LARGE1: variants seen among roughly 807,000 people sequenced by gnomAD.
The protein encoded by LARGE1 is xylosyl- and glucuronyltransferase LARGE1.
Under a neutral mutation model 87.6 loss-of-function variants are expected in LARGE1, and 43 were observed. The observed-to-expected ratio is 0.49, with a 90% CI of 0.38 to 0.63. The LOEUF is 0.63. Ranked by LOEUF, LARGE1 falls within the 30% of genes least tolerant of loss-of-function variation. LARGE1 has a pLI of 0.00. For synonymous variants in LARGE1, 434 were observed against 394.6 expected, an observed-to-expected ratio of 1.10 and a Z score of -1.18; for missense variants, 802 against 1,000.2, an observed-to-expected ratio of 0.80 and a Z score of 2.67.
At chr22:33,387,529 G>C (rs1020138018) in intron 7 of LARGE1, among the ~76,000 whole-genome samples, 2 of 145,526 alleles carry the variant, frequency 1.4e-5, no homozygotes. Flanking sequence ...AAAAAATGGG[G>C]GGGGGGATGG....
At chr22:33,638,418 G>A (rs553091737) in intron 3 of LARGE1, among the ~76,000 whole-genome samples, 5 of 152,244 alleles carry the variant, frequency 3.3e-5, no homozygotes, top group Admixed American at 3.3e-4. Flanking sequence ...ACTGAGGAAC[G>A]ATTACCTCAT....
In LARGE1 at chr22:33,272,824, C is replaced by T. The variant is rs1928416054; in HGVS notation, c.*1603G>A. On this transcript the variant is annotated 3_prime_UTR_variant, in exon 15 of 15. Coordinates refer to ENST00000397394, the MANE Select transcript of LARGE1 (RefSeq NM_133642.5). ...GATTACCAGGATTTACCCTCCTAGC[C>T]CACATCTGGTAGAAGACAACATCTG... 6.6e-6 allele frequency: 1 copy of T among 152,134 alleles called. No individual in the cohort carries two copies. The highest frequency in any genetic ancestry group is 2.4e-5 in the African/African-American group (1 of 41,414). 9.4% of individuals were successfully genotyped at this position (152,134 alleles called of 1,614,324 possible).
the LARGE1 span, among the ~76,000 whole-genome samples, chr22:33,083,734 A>G: frequency 2.0e-5 from 3 of 152,220 alleles, no homozygotes; most frequent in Non-Finnish European, 4.4e-5. Context: ...ACCAGCTGCC[A>G]CACAATGTAA....
intron 1 of LARGE1, among the ~76,000 whole-genome samples, chr22:33,885,037 T>C (rs893898483): frequency 1.3e-5 from 2 of 152,234 alleles, no homozygotes; most frequent in Non-Finnish European, 2.9e-5. Flanking sequence ...AGGCAGTTTT[T>C]AAATGATAAC....
At chr22:33,475,099 A>G (rs765260043) in intron 6 of LARGE1, among the ~76,000 whole-genome samples, 3 of 152,056 alleles carry the variant, frequency 2.0e-5, no homozygotes, top group Non-Finnish European at 4.4e-5. Flanking sequence ...GGCATAGTCT[A>G]CTCACTGGAA....
intron 6 of LARGE1, among the ~76,000 whole-genome samples, chr22:33,477,347 G>A (rs1232371861): frequency 3.3e-5 from 5 of 152,154 alleles, no homozygotes; most frequent in African/African-American, 1.2e-4. Flanking sequence ...AGAACTCTTT[G>A]TTAAAAGTTT....
At chr22:33,126,019 A>AT in the LARGE1 span, among the ~76,000 whole-genome samples, 1 of 152,212 alleles carries the variant, frequency 6.6e-6, no homozygotes, top group Non-Finnish European at 1.5e-5. Context: ...AAGTGCTGGG[A>AT]TTACAGGCGT....
At position 33,816,733 on chromosome 22, in the gene LARGE1, C is replaced by CAGACAGATAGAT. The variant is rs763136582; in HGVS notation, c.-82-55176_-82-55175insATCTATCTGTCT. On this transcript the variant is annotated intron_variant, in intron 1 of 14. Transcript: ENST00000397394. ...ACAGACAGACAGACAGACAGACAGACAGATACAGAAAGACAGATACAGACA... is the reference window on the plus strand; with the variant it reads ...ACAGACAGACAGACAGACAGACAGACAGACAGATAGATAGATACAGAAAGACAGATACAGACA... Among the ~76,000 whole-genome samples, 7 of 150,128 alleles carry CAGACAGATAGAT rather than the reference C, an allele frequency of 4.7e-5. 1 individual carries two copies. In the South Asian group the frequency reaches 8.6e-4, roughly 18 times the overall value.
At chr22:33,720,853 T>C (rs1391816653) in intron 2 of LARGE1, among the ~76,000 whole-genome samples, 1 of 152,136 alleles carries the variant, frequency 6.6e-6, no homozygotes, top group East Asian at 1.9e-4. Flanking sequence ...AGATGATTCC[T>C]AAGAAAAGAT....
chr22:33,160,436 T>C (rs1159372852), downstream of LARGE1, among the ~76,000 whole-genome samples: 2 of 152,224 alleles, frequency 1.3e-5, no homozygotes, highest in Non-Finnish European at 2.9e-5. Flanking sequence ...CCAACCACTC[T>C]ACCTTGCTGG....
At position 33,360,812 on chromosome 22, in the gene LARGE1, A is replaced by T. The variant is rs570892244; in HGVS notation, c.1131+21107T>A. On this transcript the variant is annotated intron_variant, in intron 9 of 14. Transcript: ENST00000397394. The stretch of plus-strand genomic sequence containing the variant: ...CAGCCCACCGCCACTGGGCTGTACG[A>T]AGGCAGGTATCTTGTCCAGCCCACT... 1.3e-5 allele frequency among the ~76,000 whole-genome samples: 2 copies of T among 150,062 alleles called. 1 individual carries two copies. The highest frequency in any genetic ancestry group is 4.9e-5 in the African/African-American group (2 of 40,824).
chr22:33,381,907 T>A lies in LARGE1; in HGVS notation c.1131+12A>T, dbSNP rs377316838. 25 of 1,613,740 alleles carry A rather than the reference T, an allele frequency of 1.5e-5. No homozygotes were observed. The African/African-American group carries it at 3.2e-4, about 21-fold the overall frequency. Reference sequence around the variant, plus strand: ...CACCCTACCTCCAGGGATGTCCCTGTGTTGACCCTACCTTTAGATCAGACA... The same window carrying A: ...CACCCTACCTCCAGGGATGTCCCTGAGTTGACCCTACCTTTAGATCAGACA... On this transcript the variant is annotated intron_variant, in intron 9 of 14. Coordinates refer to ENST00000397394, the MANE Select transcript of LARGE1 (RefSeq NM_133642.5).
intron 11 of LARGE1, among the ~76,000 whole-genome samples, chr22:33,176,265 G>A (rs1219054310): frequency 6.6e-6 from 1 of 151,980 alleles, no homozygotes; most frequent in Admixed American, 6.6e-5. Flanking sequence ...ATGACCAAAA[G>A]ACCAAAAGCA....
chr22:33,750,471 T>C (rs1383192020), intron 2 of LARGE1: 1 of 152,220 alleles, frequency 6.6e-6, no homozygotes, highest in African/African-American at 2.4e-5. Flanking sequence ...CCAATCTTGG[T>C]TTAACATGCG....
chr22:33,676,979 T>C (rs1386579087), intron 2 of LARGE1, among the ~76,000 whole-genome samples: 1 of 152,166 alleles, frequency 6.6e-6, no homozygotes, highest in African/African-American at 2.4e-5. Context: ...TTCCAAAAGT[T>C]TTACTTTTCA....
chr22:33,485,504 T>TA (rs200851503), intron 6 of LARGE1, among the ~76,000 whole-genome samples: 1 of 151,834 alleles, frequency 6.6e-6, no homozygotes, highest in Non-Finnish European at 1.5e-5. Flanking sequence ...TTTTTTTAAA[T>TA]AAAAAAAGGA....
chr22:33,136,232 T>C, the LARGE1 span, among the ~76,000 whole-genome samples: 1 of 152,172 alleles, frequency 6.6e-6, no homozygotes, highest in Non-Finnish European at 1.5e-5. Context: ...TACCCAAGAC[T>C]GGGTAATTTA....
At chr22:33,880,528 G>A (rs1032800977) in intron 1 of LARGE1, among the ~76,000 whole-genome samples, 3 of 152,142 alleles carry the variant, frequency 2.0e-5, no homozygotes, top group Non-Finnish European at 4.4e-5. Flanking sequence ...TCTGCCATGT[G>A]CGGCCTGAAG....
At chr22:33,482,217 C>T (rs558667455) in intron 6 of LARGE1, among the ~76,000 whole-genome samples, 1 of 152,268 alleles carries the variant, frequency 6.6e-6, no homozygotes, top group East Asian at 1.9e-4. Context: ...AAGGTCATAA[C>T]CTAGAAAAAC....
Sources: allele counts gnomAD v4.1 joint callset (sites outside exome capture counted in the v4.1 genomes callset), GRCh38; gene constraint gnomAD v4.1.1; transcripts MANE v1.5; gene names NCBI Gene and HGNC (gene_info 2026-07-23, HGNC 2026-07-21).